The following PDE4D variants were observed in gnomAD, a reference collection of about 807,000 sequenced individuals.
The protein encoded by PDE4D is phosphodiesterase 4D, also known as 3',5'-cyclic-AMP phosphodiesterase 4D.
Under a neutral mutation model 87.4 loss-of-function variants are expected in PDE4D, and 24 were observed. That is an observed-to-expected ratio of 0.27 (90% CI 0.20 to 0.39). The LOEUF is 0.39. Ranked by LOEUF, PDE4D falls within the 10% of genes least tolerant of loss-of-function variation. The probability of loss-of-function intolerance (pLI) is 1.00; values close to 1 mark genes in which losing one functional copy is unlikely to be tolerated. For synonymous variants in PDE4D, 384 were observed against 383.2 expected (o/e 1.00, Z -0.02); for missense variants, 714 against 1,041.0 (o/e 0.69, Z 4.32).
intron 1 of PDE4D, among the ~76,000 whole-genome samples, chr5:59,466,319 A>G (rs1260177512): frequency 6.6e-6 from 1 of 152,238 alleles, no homozygotes; most frequent in African/African-American, 2.4e-5. Flanking sequence ...CTACCTTGCA[A>G]CCACAAATGT....
At chr5:59,412,803 G>A (rs971830372) in intron 1 of PDE4D, among the ~76,000 whole-genome samples, 1 of 152,136 alleles carries the variant, frequency 6.6e-6, no homozygotes, top group Non-Finnish European at 1.5e-5. Context: ...GGTCTAACAT[G>A]AGACTACTCA....
At chr5:59,508,865 A>G (rs1809760412) in intron 1 of PDE4D, among the ~76,000 whole-genome samples, 2 of 152,060 alleles carry the variant, frequency 1.3e-5, no homozygotes, top group Admixed American at 6.5e-5. Flanking sequence ...CAGAAAACAT[A>G]TATGAATGAA....
At chr5:59,396,652 G>C (rs1789486822) in intron 1 of PDE4D, among the ~76,000 whole-genome samples, 1 of 111,416 alleles carries the variant, frequency 9.0e-6, no homozygotes, top group Admixed American at 8.8e-5. Context: ...AGACCATCGA[G>C]ACTAGGAAGA....
At chr5:60,516,464 T>A (rs1379962765) in intron 1 of PDE4D, among the ~76,000 whole-genome samples, 1 of 152,140 alleles carries the variant, frequency 6.6e-6, no homozygotes, top group Non-Finnish European at 1.5e-5. Context: ...TGCTCTCCCA[T>A]CTCTCTGGTT....
intron 3 of PDE4D, among the ~76,000 whole-genome samples, chr5:59,946,430 T>C (rs1423402789): frequency 6.6e-6 from 1 of 152,216 alleles, no homozygotes; most frequent in Admixed American, 6.5e-5. Context: ...TAATACCCAC[T>C]GTACCTTAGG....
rs181493449 is a variant in PDE4D at position 59,377,721 on chromosome 5, T to C, written c.456-161753A>G. Among the ~76,000 whole-genome samples, 40 of 152,202 alleles carry C rather than the reference T, an allele frequency of 2.6e-4. 1 individual carries two copies. The East Asian group carries it at 7.5e-3, about 29-fold the overall frequency. On this transcript the variant is annotated intron_variant, in intron 1 of 14. Coordinates refer to ENST00000340635, the MANE Select transcript of PDE4D (RefSeq NM_001104631.2). ...TGCAGCCAACAATCATATGAAAAAG[T>C]CTTCAACATCACTCATCATTAGAGA...
At chr5:59,107,586 T>C (rs1470285987) in intron 5 of PDE4D, among the ~76,000 whole-genome samples, 2 of 152,042 alleles carry the variant, frequency 1.3e-5, no homozygotes, top group African/African-American at 2.4e-5. Flanking sequence ...GGATTCAGGA[T>C]GAGTAGGATT....
At chr5:59,580,974 A>G (rs1824024612) in intron 1 of PDE4D, among the ~76,000 whole-genome samples, 1 of 152,158 alleles carries the variant, frequency 6.6e-6, no homozygotes, top group Non-Finnish European at 1.5e-5. Context: ...ATATATATGT[A>G]TAAATTTTAC....
chr5:59,153,022 G>A (rs572932573), intron 5 of PDE4D, among the ~76,000 whole-genome samples: 1 of 152,164 alleles, frequency 6.6e-6, no homozygotes, highest in East Asian at 1.9e-4. Context: ...GGGTGGGGAG[G>A]TAGAATGAAT....
At chr5:59,823,792 CA>C (rs1397681175) in intron 1 of PDE4D, among the ~76,000 whole-genome samples, 2 of 130,556 alleles carry the variant, frequency 1.5e-5, no homozygotes, top group Non-Finnish European at 1.7e-5. Context: ...TTAACCCTTC[CA>C]TTTTTTTTTT....
At chr5:60,358,784 T>C (rs1381771089) in intron 1 of PDE4D, among the ~76,000 whole-genome samples, 1 of 152,230 alleles carries the variant, frequency 6.6e-6, no homozygotes, top group Non-Finnish European at 1.5e-5. Flanking sequence ...AAACTACCTA[T>C]GTTTTTCCCT....
chr5:60,449,410 G>T (rs946828473), intron 1 of PDE4D, among the ~76,000 whole-genome samples: 9 of 146,950 alleles, frequency 6.1e-5, no homozygotes, highest in African/African-American at 1.8e-4. Flanking sequence ...ACCAAACACC[G>T]CATATTCTCA....
At chr5:60,341,132 T>G (rs1449100684) in intron 1 of PDE4D, among the ~76,000 whole-genome samples, 1 of 151,528 alleles carries the variant, frequency 6.6e-6, no homozygotes, top group East Asian at 1.9e-4. Context: ...AAATGTTTGG[T>G]TTTTTTTTCT....
intron 1 of PDE4D, among the ~76,000 whole-genome samples, chr5:59,377,082 G>A (rs1415856053): frequency 6.6e-6 from 1 of 152,058 alleles, no homozygotes; most frequent in Non-Finnish European, 1.5e-5. Flanking sequence ...AATCCCAGAA[G>A]ACAACCTAGG....
rs140284585 is a variant in PDE4D, at chr5:59,915,123, T to C, written c.272+73365A>G. Among the ~76,000 whole-genome samples, 733 of 152,256 alleles carry C rather than the reference T, an allele frequency of 4.8e-3. 5 individuals carry two copies. The highest frequency in any genetic ancestry group is 0.017 in the African/African-American group (701 of 41,556). On this transcript the variant is annotated intron_variant, in intron 3 of 16. Coordinates refer to the PDE4D transcript ENST00000502484. Reference sequence around the variant, plus strand: ...CAAAAACATAGTGTACTTGTGTTTGTCTACCTTGAGTATAATTTGTACATT... The same window carrying C: ...CAAAAACATAGTGTACTTGTGTTTGCCTACCTTGAGTATAATTTGTACATT...
chr5:60,464,188 C>G (rs566549979), intron 1 of PDE4D, among the ~76,000 whole-genome samples: 2 of 151,980 alleles, frequency 1.3e-5, no homozygotes, highest in African/African-American at 4.8e-5. Flanking sequence ...CAAGTGTTTT[C>G]AAAGGGAAAG....
intron 1 of PDE4D, among the ~76,000 whole-genome samples, chr5:59,375,723 G>A (rs1246464802): frequency 6.6e-6 from 1 of 152,110 alleles, no homozygotes; most frequent in Non-Finnish European, 1.5e-5. Flanking sequence ...ATACCTGGTA[G>A]AAATATAACA....
intron 3 of PDE4D, among the ~76,000 whole-genome samples, chr5:59,189,526 A>G (rs1269085350): frequency 6.6e-6 from 1 of 152,056 alleles, no homozygotes; most frequent in Non-Finnish European, 1.5e-5. Context: ...GTCAACTTAG[A>G]GTTTTACTAC....
intron 1 of PDE4D, among the ~76,000 whole-genome samples, chr5:60,330,257 T>C (rs950132899): frequency 6.6e-6 from 1 of 152,340 alleles, no homozygotes; most frequent in East Asian, 1.9e-4. Context: ...AAGTATTCTA[T>C]GTACCAGGCA....
Sources: allele counts gnomAD v4.1 joint callset (sites outside exome capture counted in the v4.1 genomes callset), GRCh38; gene constraint gnomAD v4.1.1; transcripts MANE v1.5; gene names NCBI Gene and HGNC (gene_info 2026-07-23, HGNC 2026-07-21).